JMY: variants seen among roughly 807,000 people sequenced by gnomAD.
JMY encodes the protein junction-mediating and -regulatory protein.
Under a neutral mutation model 103.3 loss-of-function variants are expected in JMY, and 46 were observed. The observed-to-expected ratio is 0.45, with a 90% CI of 0.35 to 0.57. The LOEUF (loss-of-function observed/expected upper bound fraction) is 0.57, where lower values mean the gene tolerates loss of function less well. Ranked by LOEUF, JMY falls within the 20% of genes least tolerant of loss-of-function variation. The pLI is 0.00. For missense variants in JMY, 1,238 were observed against 1,255.2 expected (o/e 0.99, Z 0.21); for synonymous variants, 526 against 489.3 (o/e 1.07, Z -0.99).
chr5:79,301,634 C>T (rs370777049), intron 6 of JMY, among the ~76,000 whole-genome samples: 1 of 152,214 alleles, frequency 6.6e-6, no homozygotes, highest in South Asian at 2.1e-4. Flanking sequence ...CCTTCTATCA[C>T]GTTGTCCATC....
rs573933333 is a variant in JMY at position 79,246,896 on chromosome 5, A to G, written c.1032+9214A>G. ...GACACCATCTCAAAAAAAAAAAAGTATGCTATAAAGCACTCAGAACAGTGC... is the reference window on the plus strand; with the variant it reads ...GACACCATCTCAAAAAAAAAAAAGTGTGCTATAAAGCACTCAGAACAGTGC... On this transcript the variant is annotated intron_variant, in intron 1 of 10. Coordinates refer to ENST00000396137, the MANE Select transcript of JMY (RefSeq NM_152405.5). Among the ~76,000 whole-genome samples, 16 of 152,160 alleles carry G rather than the reference A, an allele frequency of 1.1e-4. No individual in the cohort carries two copies. In the East Asian group the frequency reaches 1.5e-3, roughly 15 times the overall value.
intron 1 of JMY, among the ~76,000 whole-genome samples, chr5:79,257,966 T>C (rs1366973705): frequency 6.6e-6 from 1 of 152,110 alleles, no homozygotes; most frequent in Non-Finnish European, 1.5e-5. Flanking sequence ...TTTCACCATG[T>C]TGGCCAGGCT....
At chr5:79,271,238 C>G (rs1301631056) in intron 1 of JMY, among the ~76,000 whole-genome samples, 2 of 151,126 alleles carry the variant, frequency 1.3e-5, no homozygotes, top group African/African-American at 4.9e-5. Context: ...CGCTATGTTG[C>G]TCAGGCTGGC....
Position 79,327,054 on chromosome 5 carries a change from TC to T in JMY, c.*5453del, listed in dbSNP as rs1247009008. ...CATTGTAATTGTATTGCTTTGTATT[TC>T]ATGTTTTTTACACTCATGACTTCAG... On this transcript the variant is annotated 3_prime_UTR_variant, in exon 11 of 11. Coordinates refer to ENST00000396137, the MANE Select transcript of JMY (RefSeq NM_152405.5). The T allele has an allele frequency of 2.0e-5, 3 of 152,348 alleles. No homozygotes were observed. In the East Asian group the frequency reaches 5.8e-4, roughly 29 times the overall value. 9.4% of individuals were successfully genotyped at this position (152,348 alleles called of 1,614,324 possible).
chr5:79,246,838 C>T lies in JMY; in HGVS notation c.1032+9156C>T, dbSNP rs1158707196. On this transcript the variant is annotated intron_variant, in intron 1 of 10. Coordinates refer to ENST00000396137, the MANE Select transcript of JMY (RefSeq NM_152405.5). Reference sequence around the variant, plus strand: ...TAGAGGTTGCAGTGAGCCAAGATTGCGGCACTGCACTCTAGCCTGGGCGAC... The same window carrying T: ...TAGAGGTTGCAGTGAGCCAAGATTGTGGCACTGCACTCTAGCCTGGGCGAC... Among the ~76,000 whole-genome samples, 5 of 151,562 alleles carry T rather than the reference C, an allele frequency of 3.3e-5. No homozygotes were observed. In the South Asian group the frequency reaches 1.0e-3, roughly 32 times the overall value.
intron 1 of JMY, among the ~76,000 whole-genome samples, chr5:79,269,725 ATTT>A (rs1745686380): frequency 1.3e-5 from 2 of 151,712 alleles, no homozygotes; most frequent in Admixed American, 6.6e-5. Context: ...AATGTATTTT[ATTT>A]TTTATTTATT....
rs867671942 is a variant in JMY at position 79,243,737 on chromosome 5, A to G, written c.1032+6055A>G. Among the ~76,000 whole-genome samples, 10 of 152,328 alleles carry G rather than the reference A, an allele frequency of 6.6e-5. No individual in the cohort carries two copies. The Middle Eastern group carries it at 0.014, about 207-fold the overall frequency. On this transcript the variant is annotated intron_variant, in intron 1 of 10. Coordinates refer to ENST00000396137, the MANE Select transcript of JMY (RefSeq NM_152405.5). ...TTGATGAAAGACTTGAAAGTTGGAA[A>G]CATTTACAATATTTTGATGCTAATC...
At chr5:79,246,716 A>G (rs1744915532) in intron 1 of JMY, among the ~76,000 whole-genome samples, 1 of 152,100 alleles carries the variant, frequency 6.6e-6, no homozygotes. Flanking sequence ...CCCTGTCTCT[A>G]CTAAAAATGC....
rs997689729 is a variant in JMY at position 79,237,589 on chromosome 5, C to G, written c.939C>G (p.Thr313=). Residue 313 remains threonine (T), a synonymous_variant, in exon 1 of 11, where the codon ACC becomes ACG. Transcript: ENST00000396137. ...TCTCCCAGGTGCTCTTCACCGAGAC[C>G]GATGATCCCGAGGAGTATTACGAAA... The part of the protein sequence containing the change: ...KILSQVLFTE[T]DDPEEYYESL... 1.9e-6 allele frequency: 3 copies of G among 1,613,642 alleles called. No individual in the cohort carries two copies. The highest frequency in any genetic ancestry group is 1.1e-5 in the South Asian group (1 of 91,050).
chr5:79,314,214 T>G, intron 8 of JMY, 43 bp from the exon 9 acceptor site: 2 of 1,547,960 alleles, frequency 1.3e-6, no homozygotes, highest in Non-Finnish European at 8.7e-7. Context: ...CATAAATTGT[T>G]TCAATAACAT....
At chr5:79,268,377 C>T (rs1450266114) in intron 1 of JMY, among the ~76,000 whole-genome samples, 1 of 152,154 alleles carries the variant, frequency 6.6e-6, no homozygotes, top group Non-Finnish European at 1.5e-5. Context: ...TTTCTGATGT[C>T]AGGGTTTTGG....
intron 1 of JMY, among the ~76,000 whole-genome samples, chr5:79,245,902 G>A (rs753448076): frequency 2.6e-5 from 4 of 152,140 alleles, no homozygotes; most frequent in Non-Finnish European, 4.4e-5. Context: ...TGGGATTACA[G>A]GTGTGAGCCA....
intron 10 of JMY, among the ~76,000 whole-genome samples, chr5:79,317,117 T>TA (rs1434311312): frequency 6.6e-6 from 1 of 152,074 alleles, no homozygotes; most frequent in East Asian, 1.9e-4. Context: ...AACAAACTGT[T>TA]ATGCACACTG....
At chr5:79,240,055 G>A (rs986729017) in intron 1 of JMY, among the ~76,000 whole-genome samples, 8 of 148,616 alleles carry the variant, frequency 5.4e-5, no homozygotes, top group Admixed American at 4.7e-4. Flanking sequence ...TCGCTCTGTC[G>A]CCCAGGCTGA....
rs1204904480 is a variant in JMY, at chr5:79,236,963, C to T, written c.313C>T (p.Arg105Trp). The T allele has an allele frequency of 6.2e-6, 9 of 1,450,936 alleles. No individual in the cohort carries two copies. The highest frequency in any genetic ancestry group is 2.1e-4 in the Middle Eastern group (1 of 4,864). The allele number at this position is 1,450,936 out of a possible 1,614,324, so 89.9% of individuals were successfully genotyped here. The change falls in exon 1 of 11, where the codon CGG becomes TGG. Residue 105 changes from arginine (R) to tryptophan (W), a missense_variant. Coordinates refer to ENST00000396137, the MANE Select transcript of JMY (RefSeq NM_152405.5). ...SATLVRSPGPRRSSAWAEGGS... is the reference protein window; with the variant it reads ...SATLVRSPGPWRSSAWAEGGS... ...AACTCTGGTTAGGAGCCCCGGGCCCCGGCGGAGCTCGGCCTGGGCGGAGGG... is the reference window on the plus strand; with the variant it reads ...AACTCTGGTTAGGAGCCCCGGGCCCTGGCGGAGCTCGGCCTGGGCGGAGGG...
intron 1 of JMY, among the ~76,000 whole-genome samples, chr5:79,237,911 G>A (rs1744576072): frequency 6.6e-6 from 1 of 152,062 alleles, no homozygotes; most frequent in Non-Finnish European, 1.5e-5. Context: ...TTTATCAAAA[G>A]TAGTAAGTGC....
At chr5:79,318,086 C>T (rs763181386) in intron 10 of JMY, among the ~76,000 whole-genome samples, 1 of 152,162 alleles carries the variant, frequency 6.6e-6, no homozygotes, top group African/African-American at 2.4e-5. Flanking sequence ...GCTGCAAGCT[C>T]CACCTCGTGG....
chr5:79,320,020 A>G (rs538567844), intron 10 of JMY, among the ~76,000 whole-genome samples: 1 of 152,330 alleles, frequency 6.6e-6, no homozygotes, highest in East Asian at 1.9e-4. Context: ...CTTTCCAGAG[A>G]TAGCCATAGT....
chr5:79,288,133 CTGTCAAA>C (rs1746319231), intron 2 of JMY, among the ~76,000 whole-genome samples: 1 of 152,204 alleles, frequency 6.6e-6, no homozygotes, highest in Non-Finnish European at 1.5e-5. Context: ...CAGTGGTTTC[CTGTCAAA>C]TTAAATACAC....
Sources: allele counts gnomAD v4.1 joint callset (sites outside exome capture counted in the v4.1 genomes callset), GRCh38; gene constraint gnomAD v4.1.1; transcripts MANE v1.5; gene names NCBI Gene and HGNC (gene_info 2026-07-23, HGNC 2026-07-21).